CDKN2B-AS1: variants seen among roughly 807,000 people sequenced by gnomAD.
CDKN2B-AS1 encodes CDKN2B antisense RNA 1 (non-protein coding).
In CDKN2B-AS1 at chr9:22,059,665, G is replaced by A. The variant is rs565086935; in HGVS notation, n.438+3278G>A. Among the ~76,000 whole-genome samples, 18 of 152,376 alleles carry A rather than the reference G, an allele frequency of 1.2e-4. No homozygotes were observed. In the East Asian group the frequency reaches 3.5e-3, roughly 29 times the overall value. On this transcript the variant is annotated intron_variant and non_coding_transcript_variant, in intron 4 of 4. Transcript: ENST00000650946. ...CCACTAGGCAGTGCCTAGGGACTGT[G>A]TGTGGGGGCTCTAACCCCACATTTC... is the stretch of plus-strand genomic sequence containing the variant.
chr9:22,057,922 C>T (rs542947095), intron 4 of CDKN2B-AS1, among the ~76,000 whole-genome samples: 61 of 151,228 alleles, frequency 4.0e-4, no homozygotes, highest in African/African-American at 1.3e-3. Flanking sequence ...TTGCAACCAG[C>T]CTTGCCAACA....
intron 1 of CDKN2B-AS1, chr9:22,012,353 C>T: frequency 6.7e-6 from 8 of 1,187,952 alleles, no homozygotes; most frequent in East Asian, 2.4e-5. Context: ...ACAGCCCACC[C>T]CGCACCTGGT....
At chr9:22,097,421 A>T (rs967770272) in intron 4 of CDKN2B-AS1, 2 of 152,222 alleles carry the variant, frequency 1.3e-5, no homozygotes, top group Non-Finnish European at 2.9e-5. Flanking sequence ...GGCCATAATT[A>T]AACTTGTCAA....
intron 1 of CDKN2B-AS1, among the ~76,000 whole-genome samples, chr9:22,045,229 CTACTACCTGTTGAGTGTTTATTA>C (rs1184455733): frequency 4.6e-5 from 7 of 151,786 alleles, no homozygotes; most frequent in Non-Finnish European, 1.0e-4. Context: ...CATAGAATAG[CTACTACCTGTTGAGTGTTTATTA>C]TATATTAGAC....
At chr9:22,098,440 A>G (rs1434324142) in intron 4 of CDKN2B-AS1, among the ~76,000 whole-genome samples, 1 of 151,186 alleles carries the variant, frequency 6.6e-6, no homozygotes, top group Non-Finnish European at 1.5e-5. Flanking sequence ...TTTTATCACC[A>G]TGCTTTCTGA....
rs73652819 is a variant in CDKN2B-AS1 at position 22,008,112 on chromosome 9, A to C, written n.29+12951A>C. Among the ~76,000 whole-genome samples, 1,085 of 152,358 alleles carry C rather than the reference A, an allele frequency of 7.1e-3. 14 individuals carry two copies. The highest frequency in any genetic ancestry group is 0.024 in the African/African-American group (1,015 of 41,582). Reference sequence around the variant, plus strand: ...TTGAATAAGTGTATTTTAACAATGAAGATAAAGATGCATTATTTATGAAGA... The same window carrying C: ...TTGAATAAGTGTATTTTAACAATGACGATAAAGATGCATTATTTATGAAGA... On this transcript the variant is annotated intron_variant and non_coding_transcript_variant, in intron 1 of 4. Coordinates refer to ENST00000650946, the Ensembl canonical transcript of CDKN2B-AS1.
At chr9:22,104,873 C>T (rs1180411896) in intron 4 of CDKN2B-AS1, among the ~76,000 whole-genome samples, 2 of 152,044 alleles carry the variant, frequency 1.3e-5, no homozygotes, top group African/African-American at 2.4e-5. Context: ...TATTGAATAC[C>T]ACTGAATATT....
At chr9:22,021,093 G>A (rs577272048) in intron 1 of CDKN2B-AS1, among the ~76,000 whole-genome samples, 119 of 152,228 alleles carry the variant, frequency 7.8e-4, no homozygotes, top group African/African-American at 2.8e-3. Flanking sequence ...TTCTGCATAT[G>A]GCTAGCCAGT....
intron 1 of CDKN2B-AS1, among the ~76,000 whole-genome samples, chr9:22,045,341 C>T (rs777831088): frequency 2.6e-5 from 4 of 151,904 alleles, no homozygotes; most frequent in Non-Finnish European, 5.9e-5. Flanking sequence ...GATGTAGAAA[C>T]TGAGACTTAG....
chr9:22,040,273 A>T (rs780421073), intron 1 of CDKN2B-AS1, among the ~76,000 whole-genome samples: 1 of 152,056 alleles, frequency 6.6e-6, no homozygotes, highest in Non-Finnish European at 1.5e-5. Flanking sequence ...TCTATGGTGT[A>T]GATATTAGTG....
chr9:22,088,368 T>C (rs569574557), intron 4 of CDKN2B-AS1, among the ~76,000 whole-genome samples: 10 of 152,236 alleles, frequency 6.6e-5, no homozygotes, highest in Admixed American at 5.2e-4. Context: ...ATGTGCCCCA[T>C]TGAGAATTTC....
At chr9:22,085,590 G>A (rs184122774) in intron 4 of CDKN2B-AS1, among the ~76,000 whole-genome samples, 3 of 151,946 alleles carry the variant, frequency 2.0e-5, no homozygotes, top group East Asian at 1.9e-4. Context: ...GTGTGGTGGC[G>A]GGCCCCTGTA....
At chr9:22,097,288 A>C (rs74358210) in intron 4 of CDKN2B-AS1, 1 of 152,206 alleles carries the variant, frequency 6.6e-6, no homozygotes, top group Non-Finnish European at 1.5e-5. Flanking sequence ...AAGTGGCAGG[A>C]ATTTGGGAAT....
rs910236078 is a variant in CDKN2B-AS1, at chr9:21,999,536, C to T, written n.29+4375C>T. Among the ~76,000 whole-genome samples the T allele has an allele frequency of 6.6e-6, 1 of 151,822 alleles. No homozygotes were observed. The highest frequency in any genetic ancestry group is 2.1e-4 in the South Asian group (1 of 4,806). ...TATATATGTATTTTATGTATGGATACATATGTATATATGGATAGATTTTAC... is the reference window on the plus strand; with the variant it reads ...TATATATGTATTTTATGTATGGATATATATGTATATATGGATAGATTTTAC... On this transcript the variant is annotated intron_variant and non_coding_transcript_variant, in intron 1 of 4. Coordinates refer to ENST00000650946, the Ensembl canonical transcript of CDKN2B-AS1. The surrounding 1 kb of genome is among the most constrained non-coding windows in gnomAD (Gnocchi z 4.7).
intron 4 of CDKN2B-AS1, among the ~76,000 whole-genome samples, chr9:22,081,001 C>G (rs564480847): frequency 2.6e-5 from 4 of 152,192 alleles, no homozygotes. Flanking sequence ...AGTTTAATCT[C>G]CACTCCGACT....
chr9:22,111,406 G>A (rs1387415076), intron 4 of CDKN2B-AS1, among the ~76,000 whole-genome samples: 2 of 152,108 alleles, frequency 1.3e-5, no homozygotes, highest in African/African-American at 2.4e-5. Context: ...ATTCAACAAA[G>A]CTCAGTCTGA....
chr9:22,030,497 A>G (rs1434977829), intron 1 of CDKN2B-AS1: 1 of 152,154 alleles, frequency 6.6e-6, no homozygotes, highest in African/African-American at 2.4e-5. Context: ...CCCATATGCC[A>G]GAGAAAAAAT....
At chr9:22,015,476 T>G (rs1204790405) in intron 1 of CDKN2B-AS1, among the ~76,000 whole-genome samples, 1 of 152,270 alleles carries the variant, frequency 6.6e-6, no homozygotes, top group East Asian at 1.9e-4. Context: ...CTTTTTAATA[T>G]AAATTTAAAA....
chr9:22,060,448 C>A (rs1280782547), intron 4 of CDKN2B-AS1, among the ~76,000 whole-genome samples: 1 of 152,210 alleles, frequency 6.6e-6, no homozygotes, highest in South Asian at 2.1e-4. Flanking sequence ...ACCACCTCAG[C>A]CTGGATTTTA....
Sources: gnomAD v4.1 joint callset for allele counts (sites outside exome capture counted in the v4.1 genomes callset) on GRCh38, gnomAD v4.1.1 for gene constraint, Gnocchi (gnomAD v3.1) non-coding constraint, MANE v1.5 for transcripts, NCBI Gene and HGNC (gene_info 2026-07-23, HGNC 2026-07-21) for gene names.